The following SBF2 variants were observed in gnomAD, a reference collection of about 807,000 sequenced individuals.
SBF2 encodes the protein SET binding factor 2.
SBF2 carries 112 observed loss-of-function variants against 225.2 expected under a neutral mutation model. The ratio of observed to expected loss-of-function variants is 0.50; its 90% CI spans 0.43 to 0.58. The LOEUF is 0.58. SBF2 is among the 20% of genes least tolerant of loss of function. The pLI, the probability that SBF2 is intolerant of heterozygous loss-of-function variation, is 0.00. For synonymous variants in SBF2, 763 were observed against 773.3 expected (o/e 0.99, Z 0.22); for missense variants, 1,996 against 2,206.2 (o/e 0.90, Z 1.91).
chr11:10,084,583 T>C (rs1951487421), intron 2 of SBF2, among the ~76,000 whole-genome samples: 1 of 152,196 alleles, frequency 6.6e-6, no homozygotes, highest in Admixed American at 6.5e-5. Flanking sequence ...CTACTGGGTA[T>C]CTACTGAAAG....
intron 2 of SBF2, among the ~76,000 whole-genome samples, chr11:10,049,103 A>G (rs1949973527): frequency 6.6e-6 from 1 of 152,246 alleles, no homozygotes; most frequent in South Asian, 2.1e-4. Flanking sequence ...ATCAAATCAC[A>G]AGAGCTTGAA....
intron 6 of SBF2, among the ~76,000 whole-genome samples, chr11:10,009,505 C>T (rs1024697877): frequency 4.6e-5 from 7 of 151,990 alleles, no homozygotes; most frequent in South Asian, 2.1e-4. Context: ...TGAGAACATG[C>T]GGTGTTTGGT....
chr11:10,202,254 T>C (rs889372373), intron 1 of SBF2, among the ~76,000 whole-genome samples: 1 of 152,198 alleles, frequency 6.6e-6, no homozygotes, highest in Non-Finnish European at 1.5e-5. Context: ...CAAATATGCA[T>C]TGAATGTGTT....
At chr11:10,279,512 TG>T (rs1198426052) in intron 1 of SBF2, among the ~76,000 whole-genome samples, 1 of 152,166 alleles carries the variant, frequency 6.6e-6, no homozygotes, top group African/African-American at 2.4e-5. Context: ...TGAAACTTCT[TG>T]GCACATATCA....
chr11:10,241,706 G>A (rs548924370), intron 1 of SBF2, among the ~76,000 whole-genome samples: 19 of 152,026 alleles, frequency 1.2e-4, no homozygotes, highest in Admixed American at 7.9e-4. Flanking sequence ...ACAACTTTTC[G>A]AAACTGGCTC....
At chr11:9,969,582 T>C (rs1270601015) in intron 13 of SBF2, among the ~76,000 whole-genome samples, 1 of 152,154 alleles carries the variant, frequency 6.6e-6, no homozygotes, top group Non-Finnish European at 1.5e-5. Flanking sequence ...CACTTAACTG[T>C]TCTCTCTGCC....
intron 1 of SBF2, 145 bp downstream of exon 1, chr11:10,293,870 G>C: frequency 2.0e-6 from 1 of 503,388 alleles, no homozygotes; most frequent in South Asian, 9.7e-5. Flanking sequence ...GCCCAGCCGA[G>C]AAGGCCGGAC....
chr11:9,844,952 AATGT>A (rs1856432791), intron 24 of SBF2, among the ~76,000 whole-genome samples: 5 of 152,120 alleles, frequency 3.3e-5, no homozygotes, highest in African/African-American at 2.4e-5. Flanking sequence ...ATAAAAAGAT[AATGT>A]CTTTGTTCTT....
chr11:9,902,719 C>T (rs776536627), intron 16 of SBF2, among the ~76,000 whole-genome samples: 9 of 152,166 alleles, frequency 5.9e-5, no homozygotes, highest in Non-Finnish European at 1.3e-4. Context: ...TCTAAACACA[C>T]ATTGACTGTA....
intron 2 of SBF2, among the ~76,000 whole-genome samples, chr11:10,071,988 T>C (rs1019822834): frequency 6.6e-5 from 10 of 152,170 alleles, no homozygotes; most frequent in Admixed American, 3.9e-4. Context: ...TGTGGGGCAC[T>C]CCACCCTTCA....
At chr11:10,154,150 G>C (rs191390578) in intron 2 of SBF2, among the ~76,000 whole-genome samples, 119 of 149,614 alleles carry the variant, frequency 8.0e-4, no homozygotes, top group African/African-American at 2.8e-3. Context: ...TTTGCCTAGT[G>C]TAGGTCTTTT....
chr11:10,195,212 C>T (rs1264010026), intron 1 of SBF2, among the ~76,000 whole-genome samples: 2 of 152,140 alleles, frequency 1.3e-5, no homozygotes, highest in East Asian at 3.9e-4. Flanking sequence ...TTCCTAGATT[C>T]CAGTAGCACC....
chr11:9,897,969 G>A (rs1861403480), intron 16 of SBF2, among the ~76,000 whole-genome samples: 1 of 152,158 alleles, frequency 6.6e-6, no homozygotes, highest in Admixed American at 6.5e-5. Flanking sequence ...TTTAGAGTGT[G>A]AGGGTGGTGA....
intron 9 of SBF2, among the ~76,000 whole-genome samples, chr11:9,994,543 AT>A (rs1484667158): frequency 1.4e-5 from 2 of 144,130 alleles, no homozygotes; most frequent in African/African-American, 5.2e-5. Context: ...TTATTTGAAA[AT>A]AAAACAAAAT....
intron 13 of SBF2, among the ~76,000 whole-genome samples, chr11:9,976,557 C>T (rs1319012799): frequency 1.3e-5 from 2 of 151,802 alleles, no homozygotes; most frequent in African/African-American, 2.4e-5. Context: ...TGTTTATGCC[C>T]GTGAATAGCC....
chr11:10,009,585 G>A (rs1948353472), intron 6 of SBF2, among the ~76,000 whole-genome samples: 1 of 152,188 alleles, frequency 6.6e-6, no homozygotes, highest in African/African-American at 2.4e-5. Flanking sequence ...CAAAGGACAT[G>A]AACTCATCCT....
At chr11:9,851,986 G>A (rs1192862965) in intron 21 of SBF2, among the ~76,000 whole-genome samples, 4 of 152,092 alleles carry the variant, frequency 2.6e-5, no homozygotes, top group African/African-American at 4.8e-5. Flanking sequence ...TTGCCCAGGC[G>A]CTGGTCTCAA....
intron 1 of SBF2, among the ~76,000 whole-genome samples, chr11:10,269,701 A>T (rs1489348042): frequency 6.6e-6 from 1 of 152,236 alleles, no homozygotes. Flanking sequence ...ACTTGTCTAA[A>T]GCCAGAACTA....
intron 3 of SBF2, among the ~76,000 whole-genome samples, chr11:10,035,955 T>C (rs1042208486): frequency 6.6e-6 from 1 of 152,152 alleles, no homozygotes; most frequent in African/African-American, 2.4e-5. Flanking sequence ...TAAAGACACA[T>C]GCACACGTAT....
Sources: gnomAD v4.1 joint callset for allele counts (sites outside exome capture counted in the v4.1 genomes callset) on GRCh38, gnomAD v4.1.1 for gene constraint, MANE v1.5 for transcripts, NCBI Gene and HGNC (gene_info 2026-07-23, HGNC 2026-07-21) for gene names.